The following CDH4 variants were observed in gnomAD, a reference collection of about 807,000 sequenced individuals.
CDH4 encodes the protein cadherin-4.
In CDH4, 33 loss-of-function variants were observed where a neutral mutation model predicts 86.0. The ratio of observed to expected loss-of-function variants is 0.38; its 90% CI spans 0.29 to 0.51. The LOEUF (loss-of-function observed/expected upper bound fraction) is 0.51, where lower values mean the gene tolerates loss of function less well. Ranked by LOEUF, CDH4 falls within the 20% of genes least tolerant of loss-of-function variation. CDH4 has a pLI of 0.86. For missense variants in CDH4, 1,114 were observed against 1,307.4 expected (o/e 0.85, Z 2.28); for synonymous variants, 555 against 549.4 (o/e 1.01, Z -0.14).
chr20:61,767,020 C>T (rs1379095556), intron 3 of CDH4, among the ~76,000 whole-genome samples: 1 of 152,230 alleles, frequency 6.6e-6, no homozygotes, highest in Admixed American at 6.5e-5. Flanking sequence ...GGGCTCCAGT[C>T]CTGGCCTTCC....
intron 2 of CDH4, among the ~76,000 whole-genome samples, chr20:61,261,799 G>A (rs1006698002): frequency 3.9e-5 from 6 of 152,216 alleles, no homozygotes; most frequent in Admixed American, 3.9e-4. Flanking sequence ...CCCTCAGTGT[G>A]TCAGAAAGTG....
chr20:61,826,676 T>C (rs1420985384), intron 4 of CDH4, among the ~76,000 whole-genome samples: 1 of 152,208 alleles, frequency 6.6e-6, no homozygotes, highest in Non-Finnish European at 1.5e-5. Context: ...TCGGGTGAAT[T>C]AAGTAAGTCG....
At chr20:61,396,335 C>A (rs1268412251) in intron 2 of CDH4, among the ~76,000 whole-genome samples, 1 of 152,154 alleles carries the variant, frequency 6.6e-6, no homozygotes, top group African/African-American at 2.4e-5. Context: ...ACCTAGCAGG[C>A]AGGGAGCCTG....
chr20:61,505,595 T>G (rs1169299901), intron 2 of CDH4, among the ~76,000 whole-genome samples: 1 of 152,122 alleles, frequency 6.6e-6, no homozygotes, highest in African/African-American at 2.4e-5. Flanking sequence ...ACTCAGCACT[T>G]GCTTAGGAAG....
intron 2 of CDH4, among the ~76,000 whole-genome samples, chr20:61,315,481 G>A (rs111901674): frequency 0.031 from 4,764 of 152,222 alleles, 99 homozygotes; most frequent in Non-Finnish European, 0.048. Flanking sequence ...CCATCAGCCC[G>A]GCTTCGGTGT....
intron 6 of CDH4, among the ~76,000 whole-genome samples, chr20:61,868,702 G>A (rs1320673660): frequency 6.6e-6 from 1 of 152,080 alleles, no homozygotes; most frequent in Non-Finnish European, 1.5e-5. Flanking sequence ...CCTCCACTCT[G>A]GGCAGGTGTC....
intron 4 of CDH4, among the ~76,000 whole-genome samples, chr20:61,828,793 A>C (rs1981445883): frequency 6.6e-6 from 1 of 152,240 alleles, no homozygotes; most frequent in Non-Finnish European, 1.5e-5. Flanking sequence ...TACCTGCCTC[A>C]GCGTATGCTT....
chr20:61,860,273 T>C (rs1983259657), intron 6 of CDH4, among the ~76,000 whole-genome samples: 1 of 152,196 alleles, frequency 6.6e-6, no homozygotes, highest in African/African-American at 2.4e-5. Context: ...CCACCTATGT[T>C]CCAGATTCCT....
rs116231900 is a variant in CDH4 at position 61,394,296 on chromosome 20, G to A, written c.169+139359G>A. Among the ~76,000 whole-genome samples, 377 of 152,080 alleles carry A rather than the reference G, an allele frequency of 2.5e-3. 1 individual carries two copies. The highest frequency in any genetic ancestry group is 8.5e-3 in the African/African-American group (354 of 41,480). On this transcript the variant is annotated intron_variant, in intron 2 of 15. Transcript: ENST00000614565. Reference sequence around the variant, plus strand: ...CACTCCAGCATCTCCTGCCATCCAGGACTCTCCCGCCCCTGCCTGTCCCTC... The same window carrying A: ...CACTCCAGCATCTCCTGCCATCCAGAACTCTCCCGCCCCTGCCTGTCCCTC...
intron 2 of CDH4, among the ~76,000 whole-genome samples, chr20:61,389,534 A>G (rs1285720521): frequency 6.6e-6 from 1 of 152,196 alleles, no homozygotes; most frequent in Non-Finnish European, 1.5e-5. Context: ...TTTGATTTGT[A>G]TGATTGAATT....
Position 61,882,681 on chromosome 20 carries a change from TC to T in CDH4, c.1050+8783del, listed in dbSNP as rs1984336269. 2.0e-5 allele frequency among the ~76,000 whole-genome samples: 3 copies of T among 152,076 alleles called. No homozygotes were observed. In the South Asian group the frequency reaches 6.2e-4, roughly 32 times the overall value. On this transcript the variant is annotated intron_variant, in intron 7 of 15. Transcript: ENST00000614565. ...GTTTTCCCTGCCGTAGAGAAATACTTCCTCTAGGTCTATCAAAAGTGAGAAA... is the reference window on the plus strand; with the variant it reads ...GTTTTCCCTGCCGTAGAGAAATACTTCTCTAGGTCTATCAAAAGTGAGAAA...
At chr20:61,556,624 C>T (rs1049481044) in intron 2 of CDH4, among the ~76,000 whole-genome samples, 4 of 152,224 alleles carry the variant, frequency 2.6e-5, no homozygotes, top group Non-Finnish European at 4.4e-5. Flanking sequence ...GTTTTCATAG[C>T]GTCCCACCTG....
intron 2 of CDH4, among the ~76,000 whole-genome samples, chr20:61,669,346 A>C (rs2087361666): frequency 6.6e-6 from 1 of 152,226 alleles, no homozygotes; most frequent in African/African-American, 2.4e-5. Context: ...CAGGTCCACC[A>C]TCTGGTGACC....
chr20:61,476,863 G>T (rs543474570), intron 2 of CDH4, among the ~76,000 whole-genome samples: 1 of 152,336 alleles, frequency 6.6e-6, no homozygotes, highest in East Asian at 1.9e-4. Flanking sequence ...CACTGAGGTG[G>T]GATGTGTCCA....
intron 2 of CDH4, among the ~76,000 whole-genome samples, chr20:61,661,043 A>T (rs1213163975): frequency 1.5e-5 from 2 of 129,898 alleles, no homozygotes; most frequent in African/African-American, 5.5e-5. Flanking sequence ...TGCCAGAAAG[A>T]AGCCATGGAT....
intron 2 of CDH4, among the ~76,000 whole-genome samples, chr20:61,590,452 G>A (rs1200488420): frequency 2.0e-5 from 3 of 152,202 alleles, no homozygotes; most frequent in Non-Finnish European, 4.4e-5. Context: ...ACTCTCTCCC[G>A]ATCTGCGACA....
intron 2 of CDH4, among the ~76,000 whole-genome samples, chr20:61,490,854 C>A (rs6121644): frequency 6.6e-6 from 1 of 152,110 alleles, no homozygotes; most frequent in South Asian, 2.1e-4. Context: ...CTCCCAAATC[C>A]TTAAAGAAAC....
chr20:61,474,152 C>CTT (rs10551077), intron 2 of CDH4, among the ~76,000 whole-genome samples: 1 of 40,020 alleles, frequency 2.5e-5, no homozygotes, highest in East Asian at 9.2e-4. Flanking sequence ...TGGAATAGGA[C>CTT]TTTTTTTTTT....
chr20:61,780,431 T>C (rs1978477844), intron 4 of CDH4, among the ~76,000 whole-genome samples: 2 of 152,212 alleles, frequency 1.3e-5, no homozygotes, highest in Admixed American at 1.3e-4. Context: ...GTTTCGTCGG[T>C]AATTATTGTC....
Sources: gnomAD v4.1 joint callset for allele counts (sites outside exome capture counted in the v4.1 genomes callset) on GRCh38, gnomAD v4.1.1 for gene constraint, MANE v1.5 for transcripts, NCBI Gene and HGNC (gene_info 2026-07-23, HGNC 2026-07-21) for gene names.